The following E2F3 variants were observed in gnomAD, a reference collection of about 807,000 sequenced individuals.
E2F3 encodes transcription factor E2F3.
E2F3 carries 11 observed loss-of-function variants against 44.4 expected under a neutral mutation model. The ratio of observed to expected loss-of-function variants is 0.25; its 90% CI spans 0.16 to 0.41. E2F3 has a LOEUF of 0.41. Ranked by LOEUF, E2F3 falls within the 10% of genes least tolerant of loss-of-function variation. The pLI, the probability that E2F3 is intolerant of heterozygous loss-of-function variation, is 1.00. For missense variants in E2F3, 487 were observed against 583.6 expected (o/e 0.83, Z 1.70); for synonymous variants, 249 against 253.0 (o/e 0.98, Z 0.15).
intron 1 of E2F3, among the ~76,000 whole-genome samples, chr6:20,459,479 A>G (rs545289790): frequency 4.9e-4 from 75 of 152,338 alleles, no homozygotes; most frequent in African/African-American, 1.7e-3. Flanking sequence ...AAAAGTATAC[A>G]TCTGAACAGT....
rs112159052 is a variant in E2F3 at position 20,468,942 on chromosome 6, C to T, written c.394-10904C>T. Reference sequence around the variant, plus strand: ...GTGAAGGAAAACTGCAGAATGACAGCCATGCAGCAGACCTGGAGAACCCCT... The same window carrying T: ...GTGAAGGAAAACTGCAGAATGACAGTCATGCAGCAGACCTGGAGAACCCCT... On this transcript the variant is annotated intron_variant, in intron 1 of 6. Coordinates refer to ENST00000346618, the MANE Select transcript of E2F3 (RefSeq NM_001949.5). 6.6e-5 allele frequency among the ~76,000 whole-genome samples: 10 copies of T among 152,246 alleles called. 1 individual carries two copies. The highest frequency in any genetic ancestry group is 2.4e-4 in the African/African-American group (10 of 41,552).
At chr6:20,429,486 A>C (rs1330798326) in intron 1 of E2F3, among the ~76,000 whole-genome samples, 1 of 152,158 alleles carries the variant, frequency 6.6e-6, no homozygotes, top group African/African-American at 2.4e-5. Context: ...AGGAAAAAAC[A>C]GTATGTATAG....
Position 20,481,405 on chromosome 6 carries a change from T to C in E2F3, c.705T>C (p.Ser235=). ...LEGIHLIKKK[S]KNNVQWMGCS... ...GCATCCACCTCATTAAGAAGAAGTC[T>C]AAAAACAACGTCCAATGGATGTGAG... The change falls in exon 3 of 7, where the codon TCT becomes TCC. Residue 235 remains serine (S), a synonymous_variant. Coordinates refer to ENST00000346618, the MANE Select transcript of E2F3 (RefSeq NM_001949.5). 2 of 1,614,062 alleles carry C rather than the reference T, an allele frequency of 1.2e-6. No homozygotes were observed. The highest frequency in any genetic ancestry group is 1.1e-5 in the South Asian group (1 of 91,076).
At chr6:20,437,108 G>A (rs1029831101) in intron 1 of E2F3, among the ~76,000 whole-genome samples, 17 of 152,168 alleles carry the variant, frequency 1.1e-4, no homozygotes, top group South Asian at 2.1e-4. Flanking sequence ...CAGCTTGGGC[G>A]CAGAGTAAGA....
At chr6:20,436,685 C>G (rs1760598094) in intron 1 of E2F3, among the ~76,000 whole-genome samples, 1 of 152,132 alleles carries the variant, frequency 6.6e-6, no homozygotes, top group Non-Finnish European at 1.5e-5. Flanking sequence ...AATGACCAAG[C>G]AGGACTAGGA....
chr6:20,478,930 C>T (rs1027987652), intron 1 of E2F3, among the ~76,000 whole-genome samples: 1 of 152,176 alleles, frequency 6.6e-6, no homozygotes, highest in African/African-American at 2.4e-5. Context: ...CTGTCATACC[C>T]ATACAATTAG....
chr6:20,478,526 C>T (rs1480945890), intron 1 of E2F3, among the ~76,000 whole-genome samples: 3 of 151,976 alleles, frequency 2.0e-5, no homozygotes, highest in Non-Finnish European at 2.9e-5. Flanking sequence ...TTGCAACTCT[C>T]GGCTGGGTAC....
At chr6:20,425,387 C>CT (rs879940355) in intron 1 of E2F3, among the ~76,000 whole-genome samples, 11,571 of 134,774 alleles carry the variant, frequency 0.086, 719 homozygotes, top group African/African-American at 0.16. Context: ...GAACCTTCTA[C>CT]TTTTTTTTTT....
chr6:20,403,711 C>A (rs1010643754), intron 1 of E2F3: 24 of 895,452 alleles, frequency 2.7e-5, no homozygotes, highest in Admixed American at 2.0e-4. Context: ...CCCCACCCCC[C>A]CACCGGCGCC....
chr6:20,412,241 C>G (rs949295126), intron 1 of E2F3, among the ~76,000 whole-genome samples: 10 of 152,054 alleles, frequency 6.6e-5, no homozygotes, highest in East Asian at 1.9e-4. Context: ...GATGGGGAGG[C>G]CACGGTTGTC....
rs905358628 is a variant in E2F3, at chr6:20,410,700, C to T, written c.393+8075C>T. Among the ~76,000 whole-genome samples the T allele has an allele frequency of 3.3e-5, 5 of 152,168 alleles. No homozygotes were observed. In the East Asian group the frequency reaches 9.6e-4, roughly 29 times the overall value. On this transcript the variant is annotated intron_variant, in intron 1 of 6. Coordinates refer to ENST00000346618, the MANE Select transcript of E2F3 (RefSeq NM_001949.5). ...ATGGTGCAATCTTGGCTCACCGCAACCTCTGCCTCCTGGGTTCAGCCGATT... is the reference window on the plus strand; with the variant it reads ...ATGGTGCAATCTTGGCTCACCGCAATCTCTGCCTCCTGGGTTCAGCCGATT...
chr6:20,407,563 GC>G (rs1759532845), intron 1 of E2F3, among the ~76,000 whole-genome samples: 1 of 152,168 alleles, frequency 6.6e-6, no homozygotes, highest in Non-Finnish European at 1.5e-5. Context: ...CGGGGTGAAA[GC>G]TTTTATTGTG....
At chr6:20,454,661 C>T (rs1487291040) in intron 1 of E2F3, among the ~76,000 whole-genome samples, 3 of 152,256 alleles carry the variant, frequency 2.0e-5, no homozygotes, top group South Asian at 2.1e-4. Context: ...AGTTTTGTAG[C>T]GTTGAAGACT....
intron 1 of E2F3, among the ~76,000 whole-genome samples, chr6:20,407,893 C>T (rs1029538994): frequency 7.2e-5 from 11 of 152,210 alleles, no homozygotes; most frequent in African/African-American, 2.4e-4. Flanking sequence ...CACCAGATCC[C>T]TGATAAATTC....
chr6:20,439,514 C>T (rs1260495617), intron 1 of E2F3, among the ~76,000 whole-genome samples: 1 of 152,124 alleles, frequency 6.6e-6, no homozygotes, highest in Admixed American at 6.6e-5. Context: ...CCCTCTGCAA[C>T]CATCATTTTC....
chr6:20,447,732 T>C (rs570444696), intron 1 of E2F3, among the ~76,000 whole-genome samples: 4 of 152,330 alleles, frequency 2.6e-5, no homozygotes, highest in South Asian at 2.1e-4. Context: ...CATTCATTCA[T>C]TGTAAACAAT....
chr6:20,482,448 G>A (rs1762258942), intron 3 of E2F3, among the ~76,000 whole-genome samples: 1 of 150,312 alleles, frequency 6.7e-6, no homozygotes, highest in South Asian at 2.1e-4. Context: ...CATGAGGCAA[G>A]GGAGGAAGGT....
At chr6:20,454,993 T>A (rs562526400) in intron 1 of E2F3, among the ~76,000 whole-genome samples, 3 of 152,190 alleles carry the variant, frequency 2.0e-5, no homozygotes, top group Admixed American at 2.0e-4. Flanking sequence ...GATTTTTTTT[T>A]ATTACCCAGC....
intron 1 of E2F3, among the ~76,000 whole-genome samples, chr6:20,423,099 T>A (rs1048786831): frequency 6.6e-6 from 1 of 152,198 alleles, no homozygotes; most frequent in Non-Finnish European, 1.5e-5. Flanking sequence ...TATGATGTAT[T>A]TCTTTCTACA....
Sources: allele counts gnomAD v4.1 joint callset (sites outside exome capture counted in the v4.1 genomes callset), GRCh38; gene constraint gnomAD v4.1.1; transcripts MANE v1.5; gene names NCBI Gene and HGNC (gene_info 2026-07-23, HGNC 2026-07-21).